ZNF786: variants seen among roughly 807,000 people sequenced by gnomAD.
ZNF786 encodes zinc finger protein 786.
ZNF786 carries 56 observed loss-of-function variants against 63.1 expected under a neutral mutation model. The ratio of observed to expected loss-of-function variants is 0.89; its 90% CI spans 0.72 to 1.11. ZNF786 has a LOEUF of 1.11. ZNF786 is among the 50% of genes least tolerant of loss of function. The probability of loss-of-function intolerance (pLI) is 0.00; values close to 1 mark genes in which losing one functional copy is unlikely to be tolerated. For synonymous variants in ZNF786, 485 were observed against 406.9 expected (o/e 1.19, Z -2.31); for missense variants, 1,213 against 1,041.8 (o/e 1.16, Z -2.26).
intron 1 of ZNF786, chr7:149,081,313 G>A (rs1439043227): frequency 5.5e-6 from 2 of 364,712 alleles, no homozygotes; most frequent in Admixed American, 3.7e-5. Context: ...GCGTGCACCT[G>A]TAATTCCAGC....
intron 2 of ZNF786, among the ~76,000 whole-genome samples, chr7:149,079,563 CTTTT>C (rs377025040): frequency 2.5e-5 from 3 of 119,442 alleles, no homozygotes; most frequent in Non-Finnish European, 5.2e-5. Context: ...GACAGCTACT[CTTTT>C]TTTTTTTTTT....
At chr7:149,084,295 GA>G (rs1449931305) in intron 1 of ZNF786, among the ~76,000 whole-genome samples, 2 of 147,360 alleles carry the variant, frequency 1.4e-5, no homozygotes, top group African/African-American at 2.5e-5. Flanking sequence ...CCAGGAGGCA[GA>G]GGTTCCAGTG....
At position 149,071,969 on chromosome 7, in the gene ZNF786, A is replaced by C. The variant is rs767511956; in HGVS notation, c.803T>G (p.Phe268Cys). ...GCACATTTCACCGTCAGCGTTCCGG[A>C]AGGGGCCCCTCCCCGTGTGGGCCGC... ...HLAAHTGRGP[F>C]RNADGEMCFR... Residue 268 changes from phenylalanine (F) to cysteine (C), a missense_variant, in exon 4 of 4, where the codon TTC (phenylalanine) becomes TGC (cysteine). Physicochemically the swap from Phe to Cys is radical, Grantham distance 205 (BLOSUM62 -2). Coordinates refer to ENST00000491431, the MANE Select transcript of ZNF786 (RefSeq NM_152411.4). 2 of 1,612,312 alleles carry C rather than the reference A, an allele frequency of 1.2e-6. No individual in the cohort carries two copies. Among genetic ancestry groups the C allele is most frequent in the East Asian group, 2.2e-5 (1 of 44,872 alleles).
intron 1 of ZNF786, among the ~76,000 whole-genome samples, chr7:149,082,679 C>A (rs1002666378): frequency 6.6e-6 from 1 of 151,612 alleles, no homozygotes; most frequent in Non-Finnish European, 1.5e-5. Context: ...TTCCCAGATG[C>A]AAGCAATTCT....
At chr7:149,078,840 A>G (rs1248123424) in intron 2 of ZNF786, among the ~76,000 whole-genome samples, 1 of 152,080 alleles carries the variant, frequency 6.6e-6, no homozygotes, top group Non-Finnish European at 1.5e-5. Context: ...AGTCAGATGA[A>G]AATGATGGAA....
At chr7:149,089,359 G>C (rs1195249060) in intron 1 of ZNF786, among the ~76,000 whole-genome samples, 1 of 152,016 alleles carries the variant, frequency 6.6e-6, no homozygotes, top group Non-Finnish European at 1.5e-5. Flanking sequence ...CTGTCGCCCA[G>C]GCTGGAGTGC....
intron 3 of ZNF786, among the ~76,000 whole-genome samples, chr7:149,073,756 T>TATAC (rs1554452349): frequency 2.3e-5 from 2 of 88,728 alleles, no homozygotes; most frequent in South Asian, 4.8e-4. Flanking sequence ...TGTATATATA[T>TATAC]ATATATATAT....
At chr7:149,090,570 G>C in intron 1 of ZNF786, 53 bp downstream of exon 1, 1 of 1,532,474 alleles carries the variant, frequency 6.5e-7, no homozygotes, top group Non-Finnish European at 8.9e-7. Context: ...CCCGGAACCC[G>C]AGGACCCACC....
intron 2 of ZNF786, among the ~76,000 whole-genome samples, chr7:149,078,587 G>C (rs1010271982): frequency 2.6e-5 from 4 of 152,238 alleles, no homozygotes; most frequent in Admixed American, 1.3e-4. Context: ...AGGAGGCTGA[G>C]GCAGGAGAAT....
At chr7:149,089,070 C>A (rs984563124) in intron 1 of ZNF786, among the ~76,000 whole-genome samples, 4 of 149,986 alleles carry the variant, frequency 2.7e-5, no homozygotes, top group African/African-American at 9.8e-5. Flanking sequence ...GCCTCAGCCT[C>A]CCGAGCAGCT....
rs1017921997 is a variant in ZNF786, at chr7:149,074,687, G to A, written c.146-149C>T. ...AGGTTTACACAAAGATGAAAAAACC[G>A]CCTACACATCCTAACAATGCCTCCT... On this transcript the variant is annotated intron_variant, in intron 2 of 3. Coordinates refer to ENST00000491431, the MANE Select transcript of ZNF786 (RefSeq NM_152411.4). 3.9e-5 allele frequency: 35 copies of A among 889,374 alleles called. No individual in the cohort carries two copies. The East Asian group carries it at 4.8e-4, about 12-fold the overall frequency. 55.1% of individuals were successfully genotyped at this position (889,374 alleles called of 1,614,324 possible).
chr7:149,070,708 C>A lies in ZNF786; in HGVS notation c.2064G>T (p.Lys688Asn). ...CPKCDKSFRLKAQLLSHQGLH... is the reference protein window; with the variant it reads ...CPKCDKSFRLNAQLLSHQGLH... ...GGCCCTGATGGCTGAGCAGCTGCGCCTTCAGGCGGAAACTCTTGTCACACT... is the reference window on the plus strand; with the variant it reads ...GGCCCTGATGGCTGAGCAGCTGCGCATTCAGGCGGAAACTCTTGTCACACT... The change falls in exon 4 of 4, where the codon AAG becomes AAT. Residue 688 changes from lysine (K) to asparagine (N), a missense_variant. Coordinates refer to ENST00000491431, the MANE Select transcript of ZNF786 (RefSeq NM_152411.4). 6.2e-7 allele frequency: 1 copy of A among 1,613,866 alleles called. No individual in the cohort carries two copies. Among genetic ancestry groups the A allele is most frequent in the Non-Finnish European group, 8.5e-7 (1 of 1,179,928 alleles).
At chr7:149,081,153 T>C in intron 1 of ZNF786, 1 of 456,396 alleles carries the variant, frequency 2.2e-6, no homozygotes, top group South Asian at 1.5e-5. Context: ...AATTACAGTA[T>C]TCAGCCAGGC....
chr7:149,071,924 T>C lies in ZNF786; in HGVS notation c.848A>G (p.His283Arg), dbSNP rs759048185. The change falls in exon 4 of 4, where the codon CAT becomes CGT. Residue 283 changes from histidine to arginine, a missense_variant. Transcript: ENST00000491431. The part of the protein sequence containing the change: ...GEMCFRHELT[H>R]PSHRLPQQGE... ...CTGCTGCGGGAGGCGGTGGCTGGGA[T>C]GGGTCAGCTCGTGTCGGAAGCACAT... The C allele has an allele frequency of 1.9e-6, 3 of 1,608,116 alleles. No homozygotes were observed. Among genetic ancestry groups the C allele is most frequent in the Admixed American group, 1.7e-5 (1 of 59,926 alleles).
chr7:149,077,492 G>C (rs1200259864), intron 2 of ZNF786, among the ~76,000 whole-genome samples: 1 of 152,088 alleles, frequency 6.6e-6, no homozygotes, highest in Admixed American at 6.6e-5. Flanking sequence ...GCCAGGCGTG[G>C]TGGCGGGCGC....
In ZNF786 at chr7:149,071,773, G is replaced by A; in HGVS notation, c.999C>T (p.Ser333=). The A allele has an allele frequency of 1.3e-6, 2 of 1,583,506 alleles. No individual in the cohort carries two copies. The highest frequency in any genetic ancestry group is 1.7e-6 in the Non-Finnish European group (2 of 1,170,528). Residue 333 remains serine, a synonymous_variant, in exon 4 of 4, where the codon TCC becomes TCT. Coordinates refer to ENST00000491431, the MANE Select transcript of ZNF786 (RefSeq NM_152411.4). ...GTTTCTGTCCCGAGTGCACACTGCT[G>A]GAGGCCCCGCGGCCTTCTCTCCAAG... ...PASWREGRGA[S]SSVHSGQKPG...
chr7:149,073,772 T>C (rs1825489382), intron 3 of ZNF786, among the ~76,000 whole-genome samples: 2 of 114,234 alleles, frequency 1.8e-5, no homozygotes, highest in South Asian at 6.5e-4. Flanking sequence ...TATATATATA[T>C]ATATATATGT....
At chr7:149,073,717 A>ATG (rs1287059024) in intron 3 of ZNF786, among the ~76,000 whole-genome samples, 95 of 88,266 alleles carry the variant, frequency 1.1e-3, no homozygotes, top group African/African-American at 2.9e-3. Context: ...GTGTGTGTAT[A>ATG]TGTGTGCGTG....
intron 2 of ZNF786, 128 bp downstream of exon 2, chr7:149,080,463 G>A: frequency 1.1e-6 from 1 of 878,250 alleles, no homozygotes; most frequent in South Asian, 2.8e-5. Context: ...ATAGATTGCA[G>A]GGTAAAAATA....
Sources: allele counts gnomAD v4.1 joint callset (sites outside exome capture counted in the v4.1 genomes callset), GRCh38; gene constraint gnomAD v4.1.1; transcripts MANE v1.5; gene names NCBI Gene and HGNC (gene_info 2026-07-23, HGNC 2026-07-21).